The following FRMD4A variants were observed in gnomAD, a reference collection of about 807,000 sequenced individuals.
FRMD4A encodes FERM domain-containing protein 4A.
FRMD4A carries 29 observed loss-of-function variants against 129.1 expected under a neutral mutation model. The observed-to-expected ratio is 0.22, with a 90% CI of 0.17 to 0.31. FRMD4A has a LOEUF of 0.31. Among genes scored for constraint, FRMD4A ranks in the 10% least tolerant of loss-of-function variants. The pLI, the probability that FRMD4A is intolerant of heterozygous loss-of-function variation, is 1.00. For synonymous variants in FRMD4A, 634 were observed against 571.6 expected (o/e 1.11, Z -1.56); for missense variants, 1,272 against 1,375.8 (o/e 0.92, Z 1.19).
chr10:14,003,893 A>T (rs983829385), intron 2 of FRMD4A, among the ~76,000 whole-genome samples: 3 of 152,234 alleles, frequency 2.0e-5, no homozygotes, highest in Non-Finnish European at 4.4e-5. Flanking sequence ...CCCAGGAAAA[A>T]ATTTCCACAT....
At chr10:14,290,374 A>C (rs924926249) in intron 2 of FRMD4A, among the ~76,000 whole-genome samples, 6 of 152,254 alleles carry the variant, frequency 3.9e-5, no homozygotes, top group South Asian at 2.1e-4. Flanking sequence ...TGGCATAAAA[A>C]CAGACATACA....
intron 6 of FRMD4A, among the ~76,000 whole-genome samples, chr10:13,768,397 A>C (rs188858752): frequency 1.3e-5 from 2 of 152,278 alleles, no homozygotes; most frequent in African/African-American, 4.8e-5. Context: ...TTAACCAAGA[A>C]TCTTAATGAC....
intron 12 of FRMD4A, among the ~76,000 whole-genome samples, chr10:13,713,963 AATAT>A (rs1334423828): frequency 1.2e-5 from 1 of 80,918 alleles, no homozygotes; most frequent in African/African-American, 4.4e-5. Context: ...ACACATATAT[AATAT>A]ATACATATAT....
chr10:13,997,906 G>A (rs1488672912), intron 2 of FRMD4A, among the ~76,000 whole-genome samples: 5 of 152,030 alleles, frequency 3.3e-5, no homozygotes, highest in Admixed American at 1.3e-4. Context: ...CACTAAGCCC[G>A]GCCAACACAA....
intron 2 of FRMD4A, among the ~76,000 whole-genome samples, chr10:14,166,219 A>G (rs889756253): frequency 6.6e-6 from 1 of 150,700 alleles, no homozygotes; most frequent in Non-Finnish European, 1.5e-5. Context: ...ATACTAAAAC[A>G]TGTTATAATA....
chr10:14,018,724 A>G (rs1291305465), intron 2 of FRMD4A, among the ~76,000 whole-genome samples: 2 of 152,168 alleles, frequency 1.3e-5, no homozygotes, highest in Admixed American at 6.5e-5. Context: ...TAAGTGCAGA[A>G]CTAGGACATT....
At chr10:13,884,235 CA>C (rs2094592379) in intron 2 of FRMD4A, among the ~76,000 whole-genome samples, 5 of 150,072 alleles carry the variant, frequency 3.3e-5, no homozygotes, top group African/African-American at 9.8e-5. Flanking sequence ...CACACACACA[CA>C]CACACTCCCT....
At chr10:13,822,410 G>A (rs2093643008) in intron 3 of FRMD4A, among the ~76,000 whole-genome samples, 1 of 152,184 alleles carries the variant, frequency 6.6e-6, no homozygotes, top group African/African-American at 2.4e-5. Context: ...ATAGAATTTT[G>A]CCAGACAGTA....
chr10:13,685,937 C>G (rs943099), intron 15 of FRMD4A, among the ~76,000 whole-genome samples: 1 of 151,802 alleles, frequency 6.6e-6, no homozygotes, highest in Non-Finnish European at 1.5e-5. Flanking sequence ...ATGACTTTGT[C>G]TTTATTTCCC....
chr10:13,686,923 G>C (rs2085137517), intron 15 of FRMD4A, among the ~76,000 whole-genome samples: 1 of 152,158 alleles, frequency 6.6e-6, no homozygotes, highest in African/African-American at 2.4e-5. Flanking sequence ...TCCTAAGTGG[G>C]TTTGTGCTAT....
intron 2 of FRMD4A, among the ~76,000 whole-genome samples, chr10:14,263,895 T>A (rs1556159): frequency 6.6e-6 from 1 of 152,002 alleles, no homozygotes; most frequent in African/African-American, 2.4e-5. Flanking sequence ...TTGGGGTAGA[T>A]TGGAACTGGG....
chr10:14,264,872 C>T (rs952142578), intron 2 of FRMD4A, among the ~76,000 whole-genome samples: 86 of 152,294 alleles, frequency 5.6e-4, no homozygotes, highest in African/African-American at 2.0e-3. Flanking sequence ...ATCTCCGCCT[C>T]CTGGGTTCCA....
Position 13,645,291 on chromosome 10 carries a change from C to T in FRMD4A, c.*1747G>A, listed in dbSNP as rs1351199149. On this transcript the variant is annotated 3_prime_UTR_variant, in exon 25 of 25. Coordinates refer to ENST00000357447, the MANE Select transcript of FRMD4A (RefSeq NM_018027.5). ...GCTTTCCCACAAAACTACCCCCACC[C>T]TGGCTCCTGTCCCTGGCTGTCAATG... 6.6e-6 allele frequency: 1 copy of T among 152,138 alleles called. No homozygotes were observed. The highest frequency in any genetic ancestry group is 2.4e-5 in the African/African-American group (1 of 41,420). 9.4% of individuals were successfully genotyped at this position (152,138 alleles called of 1,614,324 possible).
chr10:13,705,343 A>G (rs1384207822), intron 13 of FRMD4A, among the ~76,000 whole-genome samples: 1 of 152,198 alleles, frequency 6.6e-6, no homozygotes, highest in Non-Finnish European at 1.5e-5. Context: ...AGACGCACAG[A>G]GAACACGAAC....
At chr10:14,018,361 C>A (rs2095705730) in intron 2 of FRMD4A, among the ~76,000 whole-genome samples, 1 of 142,734 alleles carries the variant, frequency 7.0e-6, no homozygotes, top group Non-Finnish European at 1.5e-5. Context: ...GAGGCTGAGG[C>A]AGGAGAATGG....
At chr10:14,110,629 TAACAAAACAA>T (rs141263753) in intron 2 of FRMD4A, among the ~76,000 whole-genome samples, 193 of 150,680 alleles carry the variant, frequency 1.3e-3, no homozygotes, top group African/African-American at 2.3e-3. Context: ...GCTTTCTTGC[TAACAAAACAA>T]AACAAAACAA....
At chr10:14,229,667 G>A (rs561358369) in intron 2 of FRMD4A, among the ~76,000 whole-genome samples, 22 of 152,060 alleles carry the variant, frequency 1.4e-4, no homozygotes, top group Non-Finnish European at 2.9e-4. Flanking sequence ...TTGAACTCGC[G>A]GGCACAAGCC....
At chr10:14,118,855 G>C (rs1322949489) in intron 2 of FRMD4A, among the ~76,000 whole-genome samples, 1 of 152,094 alleles carries the variant, frequency 6.6e-6, no homozygotes, top group Admixed American at 6.6e-5. Context: ...ATTTGGGTAG[G>C]GACCCAGCCA....
rs1554858885 is a variant in FRMD4A at position 13,714,027 on chromosome 10, C to CATATATATAAAATATATATTATAT, written c.760-6915_760-6914insATATAATATATATTTTATATATAT. 8.7e-4 allele frequency among the ~76,000 whole-genome samples: 27 copies of CATATATATAAAATATATATTATAT among 31,168 alleles called. 4 individuals are homozygous for CATATATATAAAATATATATTATAT. The highest frequency in any genetic ancestry group is 2.1e-3 in the Admixed American group (4 of 1,878). The allele number at this position is 31,168 out of a possible 152,430, so 20.4% of individuals were successfully genotyped here. On this transcript the variant is annotated intron_variant, in intron 12 of 24. Coordinates refer to ENST00000357447, the MANE Select transcript of FRMD4A (RefSeq NM_018027.5). Reference sequence around the variant, plus strand: ...ATATAATATACATATATAAAATATACATATATATATATATATATATATATA... The same window carrying CATATATATAAAATATATATTATAT: ...ATATAATATACATATATAAAATATACATATATATAAAATATATATTATATATATATATATATATATATATATATA...
Sources: gnomAD v4.1 joint callset for allele counts (sites outside exome capture counted in the v4.1 genomes callset) on GRCh38, gnomAD v4.1.1 for gene constraint, MANE v1.5 for transcripts, NCBI Gene and HGNC (gene_info 2026-07-23, HGNC 2026-07-21) for gene names.